Variants in PRDM5 observed in about 807,000 individuals in gnomAD.
The protein encoded by PRDM5 is PR domain zinc finger protein 5.
In PRDM5, 56 loss-of-function variants were observed where a neutral mutation model predicts 81.2. The ratio of observed to expected loss-of-function variants is 0.69; its 90% confidence interval spans 0.56 to 0.86. PRDM5 has a LOEUF of 0.86. PRDM5 is among the 40% of genes least tolerant of loss of function. The pLI, the probability that PRDM5 is intolerant of heterozygous loss-of-function variation, is 0.00. For missense variants in PRDM5, 697 were observed against 770.1 expected (o/e 0.91, Z 1.12); for synonymous variants, 267 against 256.4 (o/e 1.04, Z -0.39).
At chr4:120,740,466 AC>A (rs1741759218) in intron 14 of PRDM5, among the ~76,000 whole-genome samples, 1 of 151,992 alleles carries the variant, frequency 6.6e-6, no homozygotes, top group Non-Finnish European at 1.5e-5. Context: ...TCCTCTCTAA[AC>A]CCACAAGCTG....
intron 14 of PRDM5, among the ~76,000 whole-genome samples, chr4:120,740,968 T>G (rs1442597209): frequency 6.6e-6 from 1 of 152,202 alleles, no homozygotes; most frequent in African/African-American, 2.4e-5. Flanking sequence ...TCTGTAGGTG[T>G]GCACTTTGCT....
At chr4:120,804,702 T>C (rs1752653710) in intron 8 of PRDM5, among the ~76,000 whole-genome samples, 1 of 152,186 alleles carries the variant, frequency 6.6e-6, no homozygotes, top group Non-Finnish European at 1.5e-5. Flanking sequence ...TTTAAAGTAG[T>C]GTGTAGAGGG....
In PRDM5 at chr4:120,878,694, G is replaced by A. The variant is rs557707346; in HGVS notation, c.178-25154C>T. Among the ~76,000 whole-genome samples the A allele has an allele frequency of 3.9e-5, 6 of 152,126 alleles. No homozygotes were observed. In the South Asian group the frequency reaches 1.2e-3, roughly 32 times the overall value. On this transcript the variant is annotated intron_variant, in intron 2 of 15. Coordinates refer to ENST00000264808, the MANE Select transcript of PRDM5 (RefSeq NM_018699.4). ...AAGATACAAAGAACTCTTAAAATAG[G>A]AAAACAACTCAATTTTTTAAATGAG...
chr4:120,907,310 G>A (rs1452565708), intron 2 of PRDM5, among the ~76,000 whole-genome samples, 164 bp downstream of exon 2: 5 of 149,122 alleles, frequency 3.4e-5, no homozygotes, highest in Non-Finnish European at 5.9e-5. Context: ...CTCCAGCCTG[G>A]GCAACAAGAG....
chr4:120,700,799 C>T (rs1003884518), intron 15 of PRDM5, among the ~76,000 whole-genome samples: 3 of 152,010 alleles, frequency 2.0e-5, no homozygotes, highest in South Asian at 2.1e-4. Context: ...AACCACAATG[C>T]GATATTATCT....
At chr4:120,782,880 A>C (rs1276246887) in intron 11 of PRDM5, among the ~76,000 whole-genome samples, 1 of 152,114 alleles carries the variant, frequency 6.6e-6, no homozygotes, top group Non-Finnish European at 1.5e-5. Flanking sequence ...GTGAATAAAA[A>C]TGTTGGTCCC....
In PRDM5 at chr4:120,829,008, G is replaced by A. The variant is rs112167287; in HGVS notation, c.301-7663C>T. ...ATAAACTCATCTTTAGGGGAGTCTA[G>A]TTAATGAATTTAAAAGGAAAAGTAC... On this transcript the variant is annotated intron_variant, in intron 3 of 15. Coordinates refer to ENST00000264808, the MANE Select transcript of PRDM5 (RefSeq NM_018699.4). Among the ~76,000 whole-genome samples the A allele has an allele frequency of 5.3e-3, 813 of 152,112 alleles. 6 individuals carry two copies. The highest frequency in any genetic ancestry group is 8.8e-3 in the Non-Finnish European group (601 of 67,946).
chr4:120,711,898 A>G (rs1384668757), intron 14 of PRDM5, among the ~76,000 whole-genome samples: 1 of 152,140 alleles, frequency 6.6e-6, no homozygotes, highest in Non-Finnish European at 1.5e-5. Flanking sequence ...GCAAGTTACT[A>G]CTTAGTGCAT....
chr4:120,776,385 A>G (rs13116962), intron 13 of PRDM5, among the ~76,000 whole-genome samples: 57,847 of 151,910 alleles, frequency 0.38, 11,209 homozygotes, highest in East Asian at 0.5. Context: ...TTATTGTGCT[A>G]GACATTGAGC....
intron 13 of PRDM5, among the ~76,000 whole-genome samples, chr4:120,775,034 TATCA>T (rs1315536925): frequency 6.6e-6 from 1 of 151,012 alleles, no homozygotes; most frequent in Non-Finnish European, 1.5e-5. Flanking sequence ...TTTCTTTATC[TATCA>T]ATCAAATTGT....
At chr4:120,783,914 T>C (rs1297267804) in intron 11 of PRDM5, among the ~76,000 whole-genome samples, 1 of 152,128 alleles carries the variant, frequency 6.6e-6, no homozygotes, top group Non-Finnish European at 1.5e-5. Flanking sequence ...AGGAAAATTC[T>C]CCAAGATACT....
intron 14 of PRDM5, among the ~76,000 whole-genome samples, chr4:120,719,895 C>T (rs571322557): frequency 1.3e-5 from 2 of 152,226 alleles, no homozygotes; most frequent in South Asian, 4.1e-4. Flanking sequence ...GGGGTTTTGT[C>T]TTTCTCTATC....
chr4:120,762,745 A>G (rs1285929265), intron 13 of PRDM5: 2 of 152,050 alleles, frequency 1.3e-5, no homozygotes, highest in Non-Finnish European at 2.9e-5. Flanking sequence ...CCCCGCAGCA[A>G]AAAGAGCCAT....
intron 3 of PRDM5, among the ~76,000 whole-genome samples, chr4:120,842,571 CATAA>C (rs1252436169): frequency 6.6e-6 from 1 of 152,134 alleles, no homozygotes; most frequent in African/African-American, 2.4e-5. Context: ...GAGATGACAA[CATAA>C]ATAAATAGTT....
At chr4:120,781,054 AAT>A (rs1183857046) in intron 12 of PRDM5, 87 bp downstream of exon 12, 27 of 1,103,206 alleles carry the variant, frequency 2.4e-5, no homozygotes, top group Non-Finnish European at 3.3e-5. Context: ...TTGATAGATT[AAT>A]ATATAATTAT....
intron 1 of PRDM5, among the ~76,000 whole-genome samples, chr4:120,922,118 G>A (rs1027419212): frequency 6.6e-6 from 1 of 152,206 alleles, no homozygotes; most frequent in Non-Finnish European, 1.5e-5. Flanking sequence ...GCGCGCGGGG[G>A]AAAACACCCG....
At chr4:120,766,249 A>T (rs1849076) in intron 13 of PRDM5, among the ~76,000 whole-genome samples, 3 of 152,052 alleles carry the variant, frequency 2.0e-5, no homozygotes, top group Non-Finnish European at 4.4e-5. Flanking sequence ...ATGAGCCACC[A>T]CACCCAGCTG....
At chr4:120,861,029 A>G (rs1432937704) in intron 2 of PRDM5, among the ~76,000 whole-genome samples, 1 of 152,202 alleles carries the variant, frequency 6.6e-6, no homozygotes, top group Non-Finnish European at 1.5e-5. Flanking sequence ...TGTTGTTAAC[A>G]TGGAATCTCG....
intron 14 of PRDM5, among the ~76,000 whole-genome samples, chr4:120,729,878 G>C (rs115091903): frequency 0.036 from 5,451 of 152,282 alleles, 126 homozygotes; most frequent in African/African-American, 0.061. Context: ...ATCTTGGTGT[G>C]GTCCCAGCAA....
Sources: allele counts gnomAD v4.1 joint callset (sites outside exome capture counted in the v4.1 genomes callset), GRCh38; gene constraint gnomAD v4.1.1; transcripts MANE v1.5; gene names NCBI Gene and HGNC (gene_info 2026-07-23, HGNC 2026-07-21).